Variants in DCC observed in about 807,000 individuals in gnomAD.
DCC encodes netrin receptor DCC.
A neutral mutation model predicts 172.5 loss-of-function variants in DCC; 58 were observed. That is an observed-to-expected ratio of 0.34 (90% confidence interval 0.27 to 0.42). The LOEUF is 0.42. DCC is among the 10% of genes least tolerant of loss of function. The probability of loss-of-function intolerance (pLI) is 1.00; values close to 1 mark genes in which losing one functional copy is unlikely to be tolerated. For synonymous variants in DCC, 709 were observed against 644.5 expected, an observed-to-expected ratio of 1.10 and a Z score of -1.52; for missense variants, 1,740 against 1,791.0, an observed-to-expected ratio of 0.97 and a Z score of 0.51.
chr18:52,381,574 A>T (rs551967791), intron 1 of DCC, among the ~76,000 whole-genome samples: 2 of 152,044 alleles, frequency 1.3e-5, no homozygotes, highest in African/African-American at 2.4e-5. Context: ...ACTATACCCT[A>T]GTCCTGCCCT....
chr18:52,705,358 T>C (rs531008887), intron 1 of DCC, among the ~76,000 whole-genome samples: 1 of 152,280 alleles, frequency 6.6e-6, no homozygotes, highest in South Asian at 2.1e-4. Flanking sequence ...GTCTTAGAAA[T>C]GTGGGCACTT....
At chr18:53,002,884 A>AC (rs1408778703) in intron 5 of DCC, among the ~76,000 whole-genome samples, 1 of 152,180 alleles carries the variant, frequency 6.6e-6, no homozygotes, top group Non-Finnish European at 1.5e-5. Flanking sequence ...CTGTATCAGC[A>AC]CAGGGTCTTT....
intron 22 of DCC, among the ~76,000 whole-genome samples, chr18:53,440,848 T>C (rs1365377304): frequency 6.6e-6 from 1 of 152,194 alleles, no homozygotes; most frequent in African/African-American, 2.4e-5. Flanking sequence ...TTGTAGAGCT[T>C]AGAGCTGTGT....
chr18:52,824,809 A>G (rs1289521542), intron 2 of DCC, among the ~76,000 whole-genome samples: 1 of 152,076 alleles, frequency 6.6e-6, no homozygotes, highest in Non-Finnish European at 1.5e-5. Flanking sequence ...CGTCTCTACT[A>G]AAATACAAAA....
chr18:52,789,730 T>A (rs1199210760), intron 2 of DCC, among the ~76,000 whole-genome samples: 1 of 152,120 alleles, frequency 6.6e-6, no homozygotes, highest in East Asian at 1.9e-4. Flanking sequence ...GTAAAGGAGA[T>A]CTGACCCAAA....
chr18:52,958,014 T>C (rs189656702), intron 5 of DCC, among the ~76,000 whole-genome samples: 1 of 152,248 alleles, frequency 6.6e-6, no homozygotes, highest in African/African-American at 2.4e-5. Flanking sequence ...TGATTCAAGA[T>C]ACTATAATCT....
chr18:53,205,474 C>A, intron 10 of DCC, 110 bp downstream of exon 10: 1 of 999,088 alleles, frequency 1.0e-6, no homozygotes, highest in Non-Finnish European at 1.6e-6. Context: ...TGAAACAGCC[C>A]AGTGTTAACA....
chr18:52,915,896 C>A (rs761391751), intron 3 of DCC, among the ~76,000 whole-genome samples: 2 of 151,986 alleles, frequency 1.3e-5, no homozygotes, highest in Non-Finnish European at 2.9e-5. Context: ...ACTGTGTCTG[C>A]ATTTGTTCTC....
chr18:52,765,200 A>ATTTTTTTTT (rs563633847), intron 2 of DCC, among the ~76,000 whole-genome samples: 1 of 138,142 alleles, frequency 7.2e-6, no homozygotes. Context: ...CTCCTGGCTA[A>ATTTTTTTTT]TTTTTTTTTT....
chr18:53,515,168 C>G (rs1449142732), intron 27 of DCC, among the ~76,000 whole-genome samples: 1 of 151,790 alleles, frequency 6.6e-6, no homozygotes, highest in Non-Finnish European at 1.5e-5. Flanking sequence ...TAAATGTAAT[C>G]CAGCATATAA....
chr18:53,255,420 G>C (rs144560840), intron 12 of DCC, among the ~76,000 whole-genome samples: 3 of 132,460 alleles, frequency 2.3e-5, no homozygotes, highest in Admixed American at 1.9e-4. Context: ...CTGTGTCCAT[G>C]TGTCCTCATT....
Position 52,340,571 on chromosome 18 carries a change from T to G in DCC, c.-217T>G, listed in dbSNP as rs1167895658. On this transcript the variant is annotated 5_prime_UTR_variant, in exon 1 of 29. Coordinates refer to ENST00000442544, the MANE Select transcript of DCC (RefSeq NM_005215.4). ...CCGAATGGAACTTTTTGCTGCCTGC[T>G]TTTGCTGCTGATTCTGTCAGTGGAC... is the stretch of plus-strand genomic sequence containing the variant. The G allele has an allele frequency of 5.8e-5, 36 of 621,694 alleles. No individual in the cohort carries two copies. Among genetic ancestry groups the G allele is most frequent in the Non-Finnish European group, 5.8e-6 (2 of 346,002 alleles). 38.5% of individuals were successfully genotyped at this position (621,694 alleles called of 1,614,324 possible).
chr18:52,469,300 T>TGCCCACCTCAGGTGGCCATCC (rs899182476), intron 1 of DCC, among the ~76,000 whole-genome samples: 3 of 152,114 alleles, frequency 2.0e-5, no homozygotes, highest in Non-Finnish European at 4.4e-5. Context: ...TCAGGCCATC[T>TGCCCACCTCAGGTGGCCATCC]GCCCACCTCA....
chr18:53,070,822 T>C (rs1421059293), intron 7 of DCC, among the ~76,000 whole-genome samples: 1 of 152,178 alleles, frequency 6.6e-6, no homozygotes, highest in African/African-American at 2.4e-5. Flanking sequence ...TTACACATGA[T>C]GGATTGCTTT....
At chr18:53,138,405 A>G (rs1312551519) in intron 7 of DCC, among the ~76,000 whole-genome samples, 2 of 152,214 alleles carry the variant, frequency 1.3e-5, no homozygotes, top group East Asian at 3.9e-4. Flanking sequence ...GTTGCCTACT[A>G]TTCATAAAGT....
chr18:52,729,036 A>C (rs1355343757), intron 1 of DCC, among the ~76,000 whole-genome samples: 3 of 152,136 alleles, frequency 2.0e-5, no homozygotes. Context: ...TTAACAATTG[A>C]ATTTGTTTTG....
intron 2 of DCC, among the ~76,000 whole-genome samples, chr18:52,797,214 A>C (rs1291217978): frequency 2.6e-5 from 4 of 152,082 alleles, no homozygotes; most frequent in African/African-American, 7.2e-5. Context: ...TATTTCACTG[A>C]ATTTCTCATC....
chr18:53,424,120 T>C (rs554580525), intron 21 of DCC, among the ~76,000 whole-genome samples: 1 of 152,344 alleles, frequency 6.6e-6, no homozygotes, highest in South Asian at 2.1e-4. Context: ...GTTACATTTG[T>C]AGATGGCTAC....
chr18:52,424,912 ATTTCC>A (rs1987373312), intron 1 of DCC, among the ~76,000 whole-genome samples: 1 of 133,746 alleles, frequency 7.5e-6, no homozygotes, highest in African/African-American at 2.7e-5. Context: ...ATCTCTCCTG[ATTTCC>A]TTTTCTTTTT....
Sources: allele counts gnomAD v4.1 joint callset (sites outside exome capture counted in the v4.1 genomes callset), GRCh38; gene constraint gnomAD v4.1.1; transcripts MANE v1.5; gene names NCBI Gene and HGNC (gene_info 2026-07-23, HGNC 2026-07-21).